Variants in TAB2 observed in about 807,000 individuals in gnomAD.
The protein encoded by TAB2 is TGF-beta activated kinase 1 (MAP3K7) binding protein 2, also known as TGF-beta-activated kinase 1 and MAP3K7-binding protein 2.
In TAB2, 3 loss-of-function variants were observed where a neutral mutation model predicts 65.0. That is an observed-to-expected ratio of 0.05 (90% CI 0.02 to 0.12). TAB2 has a LOEUF of 0.12. TAB2 is among the 10% of genes least tolerant of loss of function. The probability of loss-of-function intolerance (pLI) is 1.00; values close to 1 mark genes in which losing one functional copy is unlikely to be tolerated. For missense variants in TAB2, 623 were observed against 840.3 expected, an observed-to-expected ratio of 0.74 and a Z score of 3.20; for synonymous variants, 298 against 285.1, an observed-to-expected ratio of 1.05 and a Z score of -0.46.
intron 1 of TAB2, among the ~76,000 whole-genome samples, chr6:149,275,135 T>TA (rs1359192525): frequency 1.6e-5 from 2 of 122,964 alleles, no homozygotes; most frequent in East Asian, 4.9e-4. Context: ...GTTTTTTTTT[T>TA]TTTTTTTTGA....
At chr6:149,309,883 G>GGTGTGGGT (rs1554257814) in intron 1 of TAB2, among the ~76,000 whole-genome samples, 17 of 149,466 alleles carry the variant, frequency 1.1e-4, no homozygotes, top group Non-Finnish European at 2.4e-4. Context: ...TGTGGGTGTG[G>GGTGTGGGT]GTGTGTGTGT....
At chr6:149,339,596 T>TC (rs1780045068) in intron 1 of TAB2, among the ~76,000 whole-genome samples, 1 of 20,626 alleles carries the variant, frequency 4.8e-5, no homozygotes, top group Admixed American at 4.4e-4. Flanking sequence ...TTTATTTATT[T>TC]ATTTATTTAT....
intron 1 of TAB2, among the ~76,000 whole-genome samples, chr6:149,224,828 A>C (rs1777233573): frequency 6.6e-6 from 1 of 152,232 alleles, no homozygotes; most frequent in Non-Finnish European, 1.5e-5. Flanking sequence ...GGCCCTTGAA[A>C]AATAAACGGA....
chr6:149,305,391 G>A (rs1359786812), intron 1 of TAB2, among the ~76,000 whole-genome samples: 1 of 152,144 alleles, frequency 6.6e-6, no homozygotes, highest in Non-Finnish European at 1.5e-5. Context: ...TCCTGCATTA[G>A]TTTGTCACTT....
intron 1 of TAB2, among the ~76,000 whole-genome samples, chr6:149,269,976 G>A (rs1263582712): frequency 6.6e-6 from 1 of 152,134 alleles, no homozygotes; most frequent in Admixed American, 6.5e-5. Context: ...AAATTGCTGG[G>A]TCCTACAGCA....
At chr6:149,270,123 T>C (rs995695641) in intron 1 of TAB2, among the ~76,000 whole-genome samples, 1 of 152,242 alleles carries the variant, frequency 6.6e-6, no homozygotes, top group Admixed American at 6.5e-5. Context: ...GATTTTTGTT[T>C]ATTTTAGCTA....
upstream of TAB2, among the ~76,000 whole-genome samples, chr6:149,315,169 T>C (rs982853738): frequency 6.6e-6 from 1 of 152,196 alleles, no homozygotes; most frequent in Non-Finnish European, 1.5e-5. Flanking sequence ...CTCCTCTTAG[T>C]GAGATAAAGG....
chr6:149,253,942 G>GAAAGAA (rs758067285), intron 1 of TAB2, among the ~76,000 whole-genome samples: 3 of 59,116 alleles, frequency 5.1e-5, no homozygotes, highest in African/African-American at 1.0e-4. Flanking sequence ...AAGAAAGAAA[G>GAAAGAA]AGAAAGAAAG....
At chr6:149,355,667 CAAAAAAA>C (rs10534200) in intron 1 of TAB2, among the ~76,000 whole-genome samples, 1 of 121,614 alleles carries the variant, frequency 8.2e-6, no homozygotes, top group Non-Finnish European at 1.8e-5. Flanking sequence ...AACTCCATCT[CAAAAAAA>C]AAAAAAAAAA....
chr6:149,380,815 AC>A (rs1456596557), intron 3 of TAB2, among the ~76,000 whole-genome samples: 3 of 152,220 alleles, frequency 2.0e-5, no homozygotes, highest in African/African-American at 7.2e-5. Flanking sequence ...CATTTCTGAT[AC>A]AGTGATTTTA....
At chr6:149,219,134 T>G (rs79886038) in intron 1 of TAB2, among the ~76,000 whole-genome samples, 5,714 of 152,266 alleles carry the variant, frequency 0.038, 365 homozygotes, top group African/African-American at 0.13. Flanking sequence ...GACAACCAGA[T>G]AGTTAAAGGA....
At chr6:149,318,251 C>T (rs1052656146) in intron 1 of TAB2, among the ~76,000 whole-genome samples, 1 of 147,978 alleles carries the variant, frequency 6.8e-6, no homozygotes, top group Non-Finnish European at 1.5e-5. Flanking sequence ...TCGGGCCGGG[C>T]CTGGGCTCCG....
intron 1 of TAB2, among the ~76,000 whole-genome samples, chr6:149,235,389 C>T (rs1009325008): frequency 1.3e-5 from 2 of 152,130 alleles, no homozygotes; most frequent in Admixed American, 6.5e-5. Flanking sequence ...TTGGGAGGAA[C>T]GTGATAGATG....
At chr6:149,314,956 A>G (rs1779225877), upstream of TAB2, among the ~76,000 whole-genome samples, 1 of 152,084 alleles carries the variant, frequency 6.6e-6, no homozygotes, top group Admixed American at 6.5e-5. Context: ...CTTGAGGATA[A>G]AAGACACTGA....
intron 1 of TAB2, among the ~76,000 whole-genome samples, chr6:149,350,823 TTATG>T (rs1780466482): frequency 2.6e-5 from 4 of 152,200 alleles, no homozygotes; most frequent in African/African-American, 9.6e-5. Context: ...AAACTCATAA[TTATG>T]TAAGAACGGT....
At chr6:149,375,967 A>G (rs1007320645) in intron 2 of TAB2, among the ~76,000 whole-genome samples, 28 of 152,214 alleles carry the variant, frequency 1.8e-4, no homozygotes, top group African/African-American at 6.3e-4. Context: ...AGGCATCAAG[A>G]TGCCTTTTTA....
intron 3 of TAB2, chr6:149,379,896 C>G (rs1272704949): frequency 1.3e-5 from 6 of 455,678 alleles, no homozygotes; most frequent in South Asian, 6.2e-5. Context: ...CTAGTTGACT[C>G]TCTTGACTAA....
At chr6:149,387,425 C>G (rs1409459288) in intron 3 of TAB2, among the ~76,000 whole-genome samples, 1 of 152,060 alleles carries the variant, frequency 6.6e-6, no homozygotes, top group African/African-American at 2.4e-5. Context: ...ACCATAAATG[C>G]GTGGGTTCAT....
intron 3 of TAB2, among the ~76,000 whole-genome samples, chr6:149,393,691 C>T (rs1396273277): frequency 6.6e-6 from 1 of 152,182 alleles, no homozygotes; most frequent in Non-Finnish European, 1.5e-5. Context: ...AATGCTCAAC[C>T]TTATCCTGGA....
Sources: allele counts gnomAD v4.1 joint callset (sites outside exome capture counted in the v4.1 genomes callset), GRCh38; gene constraint gnomAD v4.1.1; transcripts MANE v1.5; gene names NCBI Gene and HGNC (gene_info 2026-07-23, HGNC 2026-07-21).